BAG4: variants seen among roughly 807,000 people sequenced by gnomAD.
The protein encoded by BAG4 is BAG family molecular chaperone regulator 4.
A neutral mutation model predicts 52.1 loss-of-function variants in BAG4; 28 were observed. The ratio of observed to expected loss-of-function variants is 0.54; its 90% CI spans 0.40 to 0.74. The LOEUF is 0.74. Among genes scored for constraint, BAG4 ranks in the 30% least tolerant of loss-of-function variants. The probability of loss-of-function intolerance (pLI) is 0.00; values close to 1 mark genes in which losing one functional copy is unlikely to be tolerated. For synonymous variants in BAG4, 208 were observed against 217.0 expected (o/e 0.96, Z 0.37); for missense variants, 525 against 572.0 (o/e 0.92, Z 0.84).
intron 2 of BAG4, chr8:38,203,834 CAAA>C (rs58448399): frequency 9.9e-4 from 55 of 55,302 alleles, no homozygotes; most frequent in East Asian, 1.5e-3. Flanking sequence ...GACCCTGTCT[CAAA>C]AAAAAAAAAA....
Position 38,210,017 on chromosome 8 carries a change from T to C in BAG4, c.898T>C (p.Tyr300His). The change falls in exon 5 of 5, where the codon TAC becomes CAC. Residue 300 changes from tyrosine (Y) to histidine (H), a missense_variant. Tyr to His is a moderately conservative substitution (Grantham distance 83, BLOSUM62 2). Around this residue, in one of 2 missense-constraint regions of BAG4, gnomAD observed 238 missense variants for 305.8 expected, o/e 0.78. Coordinates refer to ENST00000287322, the MANE Select transcript of BAG4 (RefSeq NM_004874.4). ...PPVQQPKDSS[Y>H]PYSQSDQSMN... is the part of the protein sequence containing the mutation. The stretch of plus-strand genomic sequence containing the variant: ...GCTCTCCCACTCCAAGGATTCTTCA[T>C]ACCCCTATAGCCAATCAGATCAAAG... 6.2e-7 allele frequency: 1 copy of C among 1,613,674 alleles called. No homozygotes were observed. The highest frequency in any genetic ancestry group is 1.1e-5 in the South Asian group (1 of 91,028).
At chr8:38,206,195 A>C (rs184524239) in intron 2 of BAG4, among the ~76,000 whole-genome samples, 44 of 151,378 alleles carry the variant, frequency 2.9e-4, no homozygotes, top group African/African-American at 9.9e-4. Context: ...GAATCGCTTG[A>C]ATCTGGGGGG....
chr8:38,196,383 G>C (rs1393918152), intron 2 of BAG4, among the ~76,000 whole-genome samples: 1 of 152,184 alleles, frequency 6.6e-6, no homozygotes. Flanking sequence ...GCCGGGCGCG[G>C]TGGCTCACGC....
Position 38,184,297 on chromosome 8 carries a change from T to C in BAG4, c.270+7158T>C, listed in dbSNP as rs546383872. The stretch of plus-strand genomic sequence containing the variant: ...GCCTGGGCAACATGGCAAAATCCTG[T>C]CTCTACAAAAAATACAAAAATTAGC... On this transcript the variant is annotated intron_variant, in intron 1 of 4. Coordinates refer to ENST00000287322, the MANE Select transcript of BAG4 (RefSeq NM_004874.4). Among the ~76,000 whole-genome samples, 29 of 151,826 alleles carry C rather than the reference T, an allele frequency of 1.9e-4. No homozygotes were observed. The East Asian group carries it at 3.3e-3, about 17-fold the overall frequency.
chr8:38,201,843 TATATA>T (rs1419790759), intron 2 of BAG4: 18 of 8,262 alleles, frequency 2.2e-3, no homozygotes, highest in Non-Finnish European at 3.5e-3. Context: ...TTTATATATA[TATATA>T]TATATATATA....
intron 1 of BAG4, among the ~76,000 whole-genome samples, chr8:38,189,904 G>A (rs1046431851): frequency 1.3e-5 from 2 of 151,806 alleles, no homozygotes; most frequent in African/African-American, 4.8e-5. Context: ...TGCAAGCTCC[G>A]CCTCCCAGGT....
chr8:38,201,911 A>T (rs1803685935), intron 2 of BAG4: 2 of 44,152 alleles, frequency 4.5e-5, no homozygotes, highest in Non-Finnish European at 4.1e-5. Context: ...TTTTTTTTTA[A>T]GAAGCTGTTA....
intron 2 of BAG4, among the ~76,000 whole-genome samples, chr8:38,194,860 T>TG (rs993083752): frequency 6.7e-6 from 1 of 148,750 alleles, no homozygotes; most frequent in East Asian, 2.0e-4. Context: ...TTTTTTTTTT[T>TG]TTGTTTTTTT....
rs1169822693 is a variant in BAG4, at chr8:38,211,848, G to A, written c.*1355G>A. 1 of 152,088 alleles carries A rather than the reference G, an allele frequency of 6.6e-6. No homozygotes were observed. Among genetic ancestry groups the A allele is most frequent in the African/African-American group, 2.4e-5 (1 of 41,428 alleles). The allele number at this position is 152,088 out of a possible 1,614,324, so 9.4% of individuals were successfully genotyped here. ...ATGCTGTTAGATAGAAGAGACTTAG[G>A]TAAATAACTTTTTATGTCTGAGGTG... is the stretch of plus-strand genomic sequence containing the variant. On this transcript the variant is annotated 3_prime_UTR_variant, in exon 5 of 5. Transcript: ENST00000287322.
chr8:38,192,816 CT>C, intron 2 of BAG4, 21 bp downstream of exon 2: 1 of 1,522,370 alleles, frequency 6.6e-7, no homozygotes. Context: ...AAAACAGAGA[CT>C]TTCTGAACTT....
intron 1 of BAG4, among the ~76,000 whole-genome samples, chr8:38,190,933 T>G (rs1284203424): frequency 1.4e-4 from 21 of 151,948 alleles, no homozygotes; most frequent in Admixed American, 1.4e-3. Flanking sequence ...AATTTTTGTA[T>G]TTTTAGTAGA....
At position 38,204,495 on chromosome 8, in the gene BAG4, G is replaced by A. The variant is rs1803735036; in HGVS notation, c.379-3017G>A. Among the ~76,000 whole-genome samples the A allele has an allele frequency of 2.0e-5, 3 of 151,442 alleles. No homozygotes were observed. The South Asian group carries it at 6.3e-4, about 32-fold the overall frequency. Reference sequence around the variant, plus strand: ...GATTGTGCCACTGCATTCTACCCTGGGTGTCTTGGGGAGAAAAAAAGTAAT... The same window carrying A: ...GATTGTGCCACTGCATTCTACCCTGAGTGTCTTGGGGAGAAAAAAAGTAAT... On this transcript the variant is annotated intron_variant, in intron 2 of 4. Coordinates refer to ENST00000287322, the MANE Select transcript of BAG4 (RefSeq NM_004874.4).
Position 38,210,239 on chromosome 8 carries a change from G to A in BAG4, c.1120G>A (p.Glu374Lys). 3.7e-6 allele frequency: 6 copies of A among 1,614,160 alleles called. No individual in the cohort carries two copies. The highest frequency in any genetic ancestry group is 5.1e-6 in the Non-Finnish European group (6 of 1,180,048). Residue 374 changes from glutamate to lysine, a missense_variant, in exon 5 of 5, where the codon GAA becomes AAA. This residue lies in a region of BAG4 where 238 missense variants were observed against 305.8 expected (regional missense o/e 0.78). Transcript: ENST00000287322. ...TCCTGAAGAATGTGTACCTTCAGAT[G>A]AAAGTACTCCTCCGAGTATTAAAAA... is the stretch of plus-strand genomic sequence containing the variant. ...SLPEECVPSDESTPPSIKKII... is the reference protein window; with the variant it reads ...SLPEECVPSDKSTPPSIKKII...
chr8:38,201,595 A>G (rs1803662612), intron 2 of BAG4: 1 of 151,728 alleles, frequency 6.6e-6, no homozygotes, highest in African/African-American at 2.4e-5. Context: ...GAGCCATTGC[A>G]CTTGGTCTAG....
Position 38,180,234 on chromosome 8 carries a change from G to A in BAG4, c.270+3095G>A, listed in dbSNP as rs547054577. On this transcript the variant is annotated intron_variant, in intron 1 of 4. Coordinates refer to ENST00000287322, the MANE Select transcript of BAG4 (RefSeq NM_004874.4). ...AATAGAAAACTCATACCAAAGATAT[G>A]TATGTTGGCCGGGCGTGGTGGCTCA... is the stretch of plus-strand genomic sequence containing the variant. 3.3e-5 allele frequency among the ~76,000 whole-genome samples: 5 copies of A among 152,180 alleles called. No individual in the cohort carries two copies. In the South Asian group the frequency reaches 8.3e-4, roughly 25 times the overall value.
chr8:38,205,138 C>T (rs950918448), intron 2 of BAG4, among the ~76,000 whole-genome samples: 1 of 151,728 alleles, frequency 6.6e-6, no homozygotes, highest in Non-Finnish European at 1.5e-5. Flanking sequence ...TCAAACGATC[C>T]TCCTGCCTCA....
intron 1 of BAG4, among the ~76,000 whole-genome samples, chr8:38,179,443 CA>C (rs1476398290): frequency 2.0e-5 from 3 of 151,956 alleles, no homozygotes; most frequent in Non-Finnish European, 2.9e-5. Flanking sequence ...AGGTGTGAGC[CA>C]CAGTGCCCGG....
chr8:38,212,582 G>C lies in BAG4; in HGVS notation c.*2089G>C, dbSNP rs1271305271. The C allele has an allele frequency of 2.0e-5, 3 of 152,146 alleles. No individual in the cohort carries two copies. Among genetic ancestry groups the C allele is most frequent in the African/African-American group, 7.2e-5 (3 of 41,442 alleles). 9.4% of individuals were successfully genotyped at this position (152,146 alleles called of 1,614,324 possible). On this transcript the variant is annotated 3_prime_UTR_variant, in exon 5 of 5. Coordinates refer to ENST00000287322, the MANE Select transcript of BAG4 (RefSeq NM_004874.4). Reference sequence around the variant, plus strand: ...GTCTTTTCACTAATGTCCTTTTACTGTTCCAAGACCCAGCCTTGCATTTAG... The same window carrying C: ...GTCTTTTCACTAATGTCCTTTTACTCTTCCAAGACCCAGCCTTGCATTTAG...
intron 4 of BAG4, 187 bp downstream of exon 4, chr8:38,209,454 A>T: frequency 4.4e-6 from 3 of 683,376 alleles, no homozygotes; most frequent in Non-Finnish European, 6.9e-6. Flanking sequence ...ATATTTAGAG[A>T]AGATTTAGAT....
Sources: allele counts gnomAD v4.1 joint callset (sites outside exome capture counted in the v4.1 genomes callset), GRCh38; gene constraint gnomAD v4.1.1; regional missense constraint gnomAD v4.1.1; transcripts MANE v1.5; gene names NCBI Gene and HGNC (gene_info 2026-07-23, HGNC 2026-07-21).